Variants in SORCS1 observed in about 807,000 individuals in gnomAD.
SORCS1 encodes sortilin related VPS10 domain containing receptor 1.
A neutral mutation model predicts 146.1 loss-of-function variants in SORCS1; 60 were observed. That is an observed-to-expected ratio of 0.41 (90% CI 0.33 to 0.51). SORCS1 has a LOEUF of 0.51. Ranked by LOEUF, SORCS1 falls within the 20% of genes least tolerant of loss-of-function variation. The pLI is 0.21. For synonymous variants in SORCS1, 637 were observed against 584.0 expected, an observed-to-expected ratio of 1.09 and a Z score of -1.31; for missense variants, 1,352 against 1,487.6, an observed-to-expected ratio of 0.91 and a Z score of 1.50.
chr10:107,005,928 G>A (rs1014498263), intron 1 of SORCS1, among the ~76,000 whole-genome samples: 1 of 152,130 alleles, frequency 6.6e-6, no homozygotes, highest in Non-Finnish European at 1.5e-5. Context: ...CACCATGATA[G>A]AAAATTATAT....
intron 1 of SORCS1, among the ~76,000 whole-genome samples, chr10:107,035,308 T>A (rs1202227181): frequency 1.3e-5 from 2 of 148,218 alleles, no homozygotes; most frequent in East Asian, 2.0e-4. Context: ...AAACTTCACA[T>A]GTAACATTAC....
At chr10:107,073,556 T>C (rs1184955176) in intron 1 of SORCS1, among the ~76,000 whole-genome samples, 1 of 152,196 alleles carries the variant, frequency 6.6e-6, no homozygotes, top group Non-Finnish European at 1.5e-5. Flanking sequence ...ATGTCTGATA[T>C]GTATTAAATC....
intron 1 of SORCS1, among the ~76,000 whole-genome samples, chr10:106,966,170 T>C (rs1955486184): frequency 6.6e-6 from 1 of 152,186 alleles, no homozygotes; most frequent in Non-Finnish European, 1.5e-5. Context: ...ATAATTACAC[T>C]CTTTTTGAGT....
At chr10:107,078,753 A>G (rs931906376) in intron 1 of SORCS1, among the ~76,000 whole-genome samples, 1 of 152,064 alleles carries the variant, frequency 6.6e-6, no homozygotes. Context: ...TACAACCCAT[A>G]TTTCCTAATT....
chr10:106,622,568 A>C (rs1847824083), intron 19 of SORCS1, among the ~76,000 whole-genome samples: 1 of 152,228 alleles, frequency 6.6e-6, no homozygotes, highest in East Asian at 1.9e-4. Context: ...TCTGGTGATC[A>C]GCATACAGAA....
intron 2 of SORCS1, among the ~76,000 whole-genome samples, chr10:106,922,981 C>G (rs11193103): frequency 6.6e-6 from 1 of 151,398 alleles, no homozygotes; most frequent in African/African-American, 2.4e-5. Flanking sequence ...CTCCACCTCC[C>G]GGGTTCAAGC....
At chr10:106,964,831 C>G (rs1274610677) in intron 1 of SORCS1, among the ~76,000 whole-genome samples, 1 of 151,490 alleles carries the variant, frequency 6.6e-6, no homozygotes, top group Non-Finnish European at 1.5e-5. Flanking sequence ...CTAGGCTGGA[C>G]TCTAACTCCT....
intron 1 of SORCS1, among the ~76,000 whole-genome samples, chr10:107,084,092 G>GTTTTTTTTTTT (rs34590427): frequency 1.6e-4 from 18 of 113,786 alleles, no homozygotes; most frequent in East Asian, 2.6e-4. Flanking sequence ...GTTGTTTTTT[G>GTTTTTTTTTTT]TTTTTTTTTT....
At chr10:106,819,607 G>C (rs7901819) in intron 3 of SORCS1, among the ~76,000 whole-genome samples, 3,955 of 152,142 alleles carry the variant, frequency 0.026, 129 homozygotes, top group East Asian at 0.15. Flanking sequence ...ATTAAGTGTG[G>C]GCAGCAGCGA....
chr10:106,700,979 C>T (rs747967641), intron 8 of SORCS1, among the ~76,000 whole-genome samples: 2 of 152,164 alleles, frequency 1.3e-5, no homozygotes, highest in Non-Finnish European at 2.9e-5. Flanking sequence ...TAGGTATCTG[C>T]AGGGGGATTG....
chr10:106,951,714 C>T (rs1688721991), intron 2 of SORCS1, among the ~76,000 whole-genome samples: 1 of 152,130 alleles, frequency 6.6e-6, no homozygotes. Flanking sequence ...CTGTTGTGCT[C>T]ACTGCTCTGT....
chr10:106,797,975 T>C (rs1433497710), intron 3 of SORCS1, among the ~76,000 whole-genome samples: 1 of 152,168 alleles, frequency 6.6e-6, no homozygotes, highest in Non-Finnish European at 1.5e-5. Context: ...TGAGGTACCA[T>C]TTCTTATGGG....
At chr10:106,868,011 A>C (rs181217546) in intron 2 of SORCS1, among the ~76,000 whole-genome samples, 8 of 152,268 alleles carry the variant, frequency 5.3e-5, no homozygotes, top group African/African-American at 1.9e-4. Context: ...GAAATGGAGG[A>C]AAATCAAATA....
intron 3 of SORCS1, among the ~76,000 whole-genome samples, chr10:106,793,461 G>A (rs180735456): frequency 1.3e-5 from 2 of 152,202 alleles, no homozygotes. Context: ...ATTTATTCAG[G>A]GGCATACATA....
rs148748044 is a variant in SORCS1 at position 107,113,507 on chromosome 10, T to A, written c.558+50462A>T. ...GTCAAGACCATCATCCTGGCCAACATGGTGAAATCCTGTCTCTACTAAAAA... is the reference window on the plus strand; with the variant it reads ...GTCAAGACCATCATCCTGGCCAACAAGGTGAAATCCTGTCTCTACTAAAAA... On this transcript the variant is annotated intron_variant, in intron 1 of 25. Coordinates refer to ENST00000263054, the MANE Select transcript of SORCS1 (RefSeq NM_052918.5). Among the ~76,000 whole-genome samples the A allele has an allele frequency of 1.2e-4, 18 of 151,862 alleles. No homozygotes were observed. The East Asian group carries it at 3.3e-3, about 28-fold the overall frequency.
intron 2 of SORCS1, among the ~76,000 whole-genome samples, chr10:106,911,684 G>T (rs1589687679): frequency 6.6e-6 from 1 of 152,122 alleles, no homozygotes; most frequent in African/African-American, 2.4e-5. Context: ...TTACACCAGT[G>T]GTTCTCAACC....
intron 25 of SORCS1, chr10:106,578,568 T>TAA (rs11463392): frequency 6.9e-3 from 4,417 of 644,040 alleles, no homozygotes; most frequent in South Asian, 9.3e-3. Context: ...CCAATAGATG[T>TAA]AAAAAAAAAA....
intron 2 of SORCS1, among the ~76,000 whole-genome samples, chr10:106,908,882 C>T (rs539867365): frequency 2.0e-5 from 3 of 152,338 alleles, no homozygotes; most frequent in Admixed American, 1.3e-4. Flanking sequence ...CTTCAGCCTC[C>T]ACCACCCAAT....
chr10:107,020,623 C>T (rs1958086538), intron 1 of SORCS1, among the ~76,000 whole-genome samples: 3 of 152,148 alleles, frequency 2.0e-5, no homozygotes, highest in African/African-American at 7.2e-5. Flanking sequence ...TGAACCCAAG[C>T]CCTCATGCAG....
Sources: allele counts gnomAD v4.1 joint callset (sites outside exome capture counted in the v4.1 genomes callset), GRCh38; gene constraint gnomAD v4.1.1; transcripts MANE v1.5; gene names NCBI Gene and HGNC (gene_info 2026-07-23, HGNC 2026-07-21).